Variants in OTOGL observed in about 807,000 individuals in gnomAD.
OTOGL encodes the protein otogelin-like protein.
A neutral mutation model predicts 318.5 loss-of-function variants in OTOGL; 285 were observed. That is an observed-to-expected ratio of 0.89 (90% CI 0.81 to 0.99). The LOEUF is 0.99. Among genes scored for constraint, OTOGL ranks in the 50% least tolerant of loss-of-function variants. The pLI is 0.00. For synonymous variants in OTOGL, 987 were observed against 936.5 expected (o/e 1.05, Z -0.99); for missense variants, 2,899 against 2,845.6 (o/e 1.02, Z -0.43).
intron 57 of OTOGL, among the ~76,000 whole-genome samples, chr12:80,375,682 G>T (rs948522238): frequency 1.3e-5 from 2 of 152,122 alleles, no homozygotes; most frequent in Non-Finnish European, 1.5e-5. Context: ...TGTGGCTATT[G>T]CACGGAAAGT....
At chr12:80,377,800 G>A (rs1157542560) in intron 58 of OTOGL, 48 bp from the exon 59 acceptor site, 2 of 1,385,806 alleles carry the variant, frequency 1.4e-6, no homozygotes, top group African/African-American at 1.4e-5. Context: ...ATAATAACCA[G>A]TACTTTTAAA....
Position 80,355,061 on chromosome 12 carries a change from T to C in OTOGL, c.5594-675T>C. Among the ~76,000 whole-genome samples, 2 of 152,170 alleles carry C rather than the reference T, an allele frequency of 1.3e-5. 1 individual carries two copies. The highest frequency in any genetic ancestry group is 4.1e-4 in the South Asian group (2 of 4,828). On this transcript the variant is annotated intron_variant, in intron 46 of 58. Transcript: ENST00000547103. The stretch of plus-strand genomic sequence containing the variant: ...TACTGTTTTCAAACTAATTTAAATT[T>C]ATATTATTGAATTTGATTAGGCTAA...
Position 80,175,643 on chromosome 12 carries a change from C to A in OTOGL, c.-19-33770C>A, listed in dbSNP as rs544656961. On this transcript the variant is annotated intron_variant, in intron 1 of 58. Transcript: ENST00000547103. ...CTATATAAGCTTTTCCCACACTGAG[C>A]TCTTTTTTTTCCCCAGTAACCTGTG... is the stretch of plus-strand genomic sequence containing the variant. Among the ~76,000 whole-genome samples, 3 of 152,274 alleles carry A rather than the reference C, an allele frequency of 2.0e-5. No individual in the cohort carries two copies. In the East Asian group the frequency reaches 5.8e-4, roughly 29 times the overall value.
At chr12:80,165,428 A>G (rs890951697) in intron 1 of OTOGL, among the ~76,000 whole-genome samples, 1 of 152,172 alleles carries the variant, frequency 6.6e-6, no homozygotes, top group Non-Finnish European at 1.5e-5. Flanking sequence ...GTGTACAGAG[A>G]TATATGACAA....
chr12:80,264,875 A>T (rs1882823603), intron 19 of OTOGL, 126 bp from the exon 20 acceptor site: 1 of 995,262 alleles, frequency 1.0e-6, no homozygotes, highest in Middle Eastern at 2.3e-4. Flanking sequence ...GTATAAGCTG[A>T]AATTGTTCAC....
intron 19 of OTOGL, among the ~76,000 whole-genome samples, chr12:80,264,068 AT>A (rs1443274517): frequency 6.6e-6 from 1 of 152,180 alleles, no homozygotes; most frequent in Non-Finnish European, 1.5e-5. Context: ...GTTCAGTATA[AT>A]TCCTTAGTAG....
intron 11 of OTOGL, among the ~76,000 whole-genome samples, chr12:80,244,864 T>C (rs1378939245): frequency 2.1e-5 from 3 of 144,796 alleles, no homozygotes; most frequent in African/African-American, 8.4e-5. Flanking sequence ...CCATTCTAAC[T>C]GGTGTGAGAT....
At chr12:80,195,829 T>C (rs1876022716) in intron 1 of OTOGL, among the ~76,000 whole-genome samples, 1 of 152,218 alleles carries the variant, frequency 6.6e-6, no homozygotes, top group Non-Finnish European at 1.5e-5. Context: ...GGAGTATTTA[T>C]ACCATGGACA....
chr12:80,373,729 G>A (rs974116475), intron 57 of OTOGL, among the ~76,000 whole-genome samples: 1 of 151,418 alleles, frequency 6.6e-6, no homozygotes, highest in Non-Finnish European at 1.5e-5. Flanking sequence ...AATGAAATAG[G>A]TTCTGACATT....
intron 24 of OTOGL, among the ~76,000 whole-genome samples, chr12:80,273,923 A>G (rs1883601334): frequency 6.6e-6 from 1 of 152,068 alleles, no homozygotes; most frequent in Non-Finnish European, 1.5e-5. Context: ...TAATTATTTC[A>G]GGGTTCCACA....
At chr12:80,349,882 A>G (rs776293172) in intron 44 of OTOGL, among the ~76,000 whole-genome samples, 1 of 152,246 alleles carries the variant, frequency 6.6e-6, no homozygotes, top group African/African-American at 2.4e-5. Context: ...TTGTGGAATG[A>G]TGAAATCTAG....
intron 18 of OTOGL, among the ~76,000 whole-genome samples, chr12:80,260,373 C>A (rs903645380): frequency 6.6e-6 from 1 of 152,056 alleles, no homozygotes; most frequent in East Asian, 1.9e-4. Flanking sequence ...GACATTAATC[C>A]TGTTTTCTCT....
chr12:80,259,492 C>T (rs1015237208), intron 18 of OTOGL, among the ~76,000 whole-genome samples: 9 of 151,902 alleles, frequency 5.9e-5, no homozygotes, highest in African/African-American at 1.2e-4. Flanking sequence ...TTTTAAGCCC[C>T]GCATGCATTA....
chr12:80,214,580 A>G (rs902352779), intron 4 of OTOGL, among the ~76,000 whole-genome samples: 5 of 152,172 alleles, frequency 3.3e-5, no homozygotes, highest in African/African-American at 1.2e-4. Context: ...ATGTGGGGAG[A>G]GGCATCAACA....
chr12:80,190,264 G>C (rs1027037108), intron 1 of OTOGL, among the ~76,000 whole-genome samples: 2 of 151,986 alleles, frequency 1.3e-5, no homozygotes, highest in African/African-American at 4.8e-5. Flanking sequence ...TCCCCAGTCC[G>C]GTAAAACGCA....
chr12:80,340,272 A>G (rs755819398), intron 43 of OTOGL, among the ~76,000 whole-genome samples: 1 of 152,126 alleles, frequency 6.6e-6, no homozygotes, highest in Non-Finnish European at 1.5e-5. Context: ...CCTGTTTAAA[A>G]ATTTGAACAT....
rs1555268794 is a variant in OTOGL, at chr12:80,112,707, T to TC, written c.-20+13102_-20+13103insC. Among the ~76,000 whole-genome samples the TC allele has an allele frequency of 3.4e-5, 5 of 147,600 alleles. No homozygotes were observed. The East Asian group carries it at 7.8e-4, about 23-fold the overall frequency. On this transcript the variant is annotated intron_variant, in intron 1 of 58. Coordinates refer to ENST00000547103, the MANE Select transcript of OTOGL (RefSeq NM_001378609.3). ...TAGGGATATTTGCCTGAAATTTTCT[T>TC]TCTTTTTTTTTTTTTTGTTGTGTCT...
Position 80,210,778 on chromosome 12 carries a change from A to AACAAC in OTOGL, c.80-68_80-64dup. On this transcript the variant is annotated intron_variant, in intron 2 of 58. Coordinates refer to ENST00000547103, the MANE Select transcript of OTOGL (RefSeq NM_001378609.3). ...GAATTTAGGTTAAAATGTTCTTTTA[A>AACAAC]ACAACTGGAACATGTAGCCAATATA... 5.4e-6 allele frequency: 6 copies of AACAAC among 1,104,926 alleles called. No homozygotes were observed. In the South Asian group the frequency reaches 1.1e-4, roughly 20 times the overall value. 68.4% of individuals were successfully genotyped at this position (1,104,926 alleles called of 1,614,324 possible). A position where few individuals can be genotyped will look rare whatever the true frequency, so the allele number is the denominator to read the frequency against.
intron 17 of OTOGL, among the ~76,000 whole-genome samples, 170 bp downstream of exon 17, chr12:80,256,630 T>G (rs1439039466): frequency 6.6e-6 from 1 of 152,110 alleles, no homozygotes; most frequent in Non-Finnish European, 1.5e-5. Flanking sequence ...TGATGATGAT[T>G]ATGTTTATGG....
Sources: allele counts gnomAD v4.1 joint callset (sites outside exome capture counted in the v4.1 genomes callset), GRCh38; gene constraint gnomAD v4.1.1; transcripts MANE v1.5; gene names NCBI Gene and HGNC (gene_info 2026-07-23, HGNC 2026-07-21).